SLC44A5: variants seen among roughly 807,000 people sequenced by gnomAD.
SLC44A5 encodes solute carrier family 44 member 5, also known as choline transporter-like protein 5.
SLC44A5 carries 57 observed loss-of-function variants against 101.8 expected under a neutral mutation model. The ratio of observed to expected loss-of-function variants is 0.56; its 90% CI spans 0.45 to 0.70. The LOEUF is 0.70. SLC44A5 is among the 30% of genes least tolerant of loss of function. The pLI, the probability that SLC44A5 is intolerant of heterozygous loss-of-function variation, is 0.00. For missense variants in SLC44A5, 737 were observed against 853.1 expected, an observed-to-expected ratio of 0.86 and a Z score of 1.70; for synonymous variants, 281 against 290.9, an observed-to-expected ratio of 0.97 and a Z score of 0.35.
At chr1:75,401,676 T>C (rs1662485325) in intron 2 of SLC44A5, among the ~76,000 whole-genome samples, 1 of 152,034 alleles carries the variant, frequency 6.6e-6, no homozygotes, top group Admixed American at 6.6e-5. Flanking sequence ...CACATTTGAC[T>C]GTCATATAGA....
intron 2 of SLC44A5, among the ~76,000 whole-genome samples, chr1:75,452,754 G>C (rs1116879): frequency 0.1 from 15,664 of 151,984 alleles, 976 homozygotes; most frequent in Admixed American, 0.19. Context: ...ACTTACATCC[G>C]ATAAAACAGA....
At chr1:75,406,037 C>T (rs1005657333) in intron 2 of SLC44A5, among the ~76,000 whole-genome samples, 1 of 152,042 alleles carries the variant, frequency 6.6e-6, no homozygotes, top group Non-Finnish European at 1.5e-5. Context: ...GATATCACCA[C>T]CGATTCCACA....
upstream of SLC44A5, among the ~76,000 whole-genome samples, chr1:75,614,036 G>C (rs371758706): frequency 6.6e-6 from 1 of 152,130 alleles, no homozygotes; most frequent in African/African-American, 2.4e-5. Flanking sequence ...CAATCTGCAA[G>C]GTTTGGGGTG....
At chr1:75,617,262 T>A in the SLC44A5 span, among the ~76,000 whole-genome samples, 7 of 152,110 alleles carry the variant, frequency 4.6e-5, no homozygotes, top group Non-Finnish European at 2.9e-5. Context: ...TTCCTCCTCC[T>A]AGGTTAGTAC....
chr1:75,442,899 G>A (rs1005905366), intron 2 of SLC44A5, among the ~76,000 whole-genome samples: 4 of 152,096 alleles, frequency 2.6e-5, no homozygotes, highest in African/African-American at 9.7e-5. Flanking sequence ...AACAGAAAAG[G>A]ATAATTTTAA....
At position 75,491,578 on chromosome 1, in the gene SLC44A5, CA is replaced by C. The variant is rs908755334; in HGVS notation, c.13+49856del. Among the ~76,000 whole-genome samples the C allele has an allele frequency of 3.6e-4, 55 of 152,128 alleles. 1 individual carries two copies. Among genetic ancestry groups the C allele is most frequent in the African/African-American group, 1.3e-3 (55 of 41,492 alleles). ...TTGGATAAAAATAAATGAATGAGTGCACTTTTGATTTTCTAAGGAGCTTCCT... is the reference window on the plus strand; with the variant it reads ...TTGGATAAAAATAAATGAATGAGTGCCTTTTGATTTTCTAAGGAGCTTCCT... On this transcript the variant is annotated intron_variant, in intron 2 of 23. Coordinates refer to ENST00000370859, the MANE Select transcript of SLC44A5 (RefSeq NM_001130058.2).
At chr1:75,346,422 G>A (rs998908199) in intron 3 of SLC44A5, among the ~76,000 whole-genome samples, 5 of 152,040 alleles carry the variant, frequency 3.3e-5, no homozygotes, top group African/African-American at 1.2e-4. Flanking sequence ...ACTAAAAGAA[G>A]CACCTCAAAA....
At chr1:75,477,089 G>A (rs754396045) in intron 2 of SLC44A5, among the ~76,000 whole-genome samples, 4 of 152,280 alleles carry the variant, frequency 2.6e-5, no homozygotes, top group Admixed American at 6.5e-5. Context: ...CAGCGTTCGC[G>A]GTTCATGAAA....
chr1:75,675,368 T>C, the SLC44A5 span, among the ~76,000 whole-genome samples: 1 of 152,274 alleles, frequency 6.6e-6, no homozygotes, highest in South Asian at 2.1e-4. Context: ...ATTCTCTTTG[T>C]AGCAATTGTG....
intron 2 of SLC44A5, among the ~76,000 whole-genome samples, chr1:75,533,343 G>T (rs1301711947): frequency 6.6e-6 from 1 of 152,040 alleles, no homozygotes; most frequent in Non-Finnish European, 1.5e-5. Context: ...AGGCCCCAAC[G>T]GAAACAATAG....
At chr1:75,505,934 T>C (rs1669228509) in intron 2 of SLC44A5, among the ~76,000 whole-genome samples, 1 of 152,204 alleles carries the variant, frequency 6.6e-6, no homozygotes, top group Non-Finnish European at 1.5e-5. Context: ...CCAAGACTAG[T>C]GTCCAAAATG....
chr1:75,538,600 A>T (rs1671182316), intron 2 of SLC44A5, among the ~76,000 whole-genome samples: 1 of 152,242 alleles, frequency 6.6e-6, no homozygotes, highest in Admixed American at 6.5e-5. Context: ...CATACTATAA[A>T]GGCTTCTTTT....
chr1:75,659,478 A>C, the SLC44A5 span, among the ~76,000 whole-genome samples: 1 of 74,426 alleles, frequency 1.3e-5, no homozygotes, highest in South Asian at 4.0e-4. Flanking sequence ...GGAAGGAAGG[A>C]AGGAAGGAAG....
intron 2 of SLC44A5, among the ~76,000 whole-genome samples, chr1:75,448,592 T>C (rs767584391): frequency 7.9e-5 from 12 of 152,276 alleles, no homozygotes; most frequent in African/African-American, 2.4e-4. Context: ...CTGAGGTAAA[T>C]CTATTTGCCT....
At position 75,218,675 on chromosome 1, in the gene SLC44A5, C is replaced by G. The variant is rs1647013679; in HGVS notation, c.1344G>C (p.Leu448Phe). 1.9e-6 allele frequency: 3 copies of G among 1,613,554 alleles called. No homozygotes were observed. Among genetic ancestry groups the G allele is most frequent in the Non-Finnish European group, 2.5e-6 (3 of 1,179,596 alleles). ...GGAAGGTAGGGATGTACTGATGGTA[C>G]AAGCTCTTTCCACCATAGAAAGCAA... ...CNFAFYGGKS[L>F]YHQYIPTFHV... The change falls in exon 17 of 24, where the codon TTG becomes TTC. Residue 448 changes from leucine to phenylalanine, a missense_variant. Transcript: ENST00000370859.
intron 2 of SLC44A5, among the ~76,000 whole-genome samples, chr1:75,429,718 G>C (rs1664505362): frequency 6.6e-6 from 1 of 152,136 alleles, no homozygotes; most frequent in African/African-American, 2.4e-5. Flanking sequence ...GAGAGTGAGA[G>C]ATCAAGCAAG....
chr1:75,541,210 G>T (rs1371637831), intron 2 of SLC44A5, among the ~76,000 whole-genome samples: 5 of 152,120 alleles, frequency 3.3e-5, no homozygotes, highest in African/African-American at 1.2e-4. Context: ...CACTGCTATA[G>T]GGAGTCCAGG....
the SLC44A5 span, among the ~76,000 whole-genome samples, chr1:75,653,284 C>T: frequency 2.0e-5 from 3 of 152,102 alleles, no homozygotes; most frequent in African/African-American, 7.2e-5. Context: ...GAGTGTGAGA[C>T]CAGCCTGGCC....
intron 2 of SLC44A5, among the ~76,000 whole-genome samples, chr1:75,403,005 T>A (rs1557748364): frequency 6.6e-6 from 1 of 152,056 alleles, no homozygotes; most frequent in African/African-American, 2.4e-5. Context: ...TTGAGGTTGA[T>A]GGGGGGAGGG....
Sources: allele counts gnomAD v4.1 joint callset (sites outside exome capture counted in the v4.1 genomes callset), GRCh38; gene constraint gnomAD v4.1.1; transcripts MANE v1.5; gene names NCBI Gene and HGNC (gene_info 2026-07-23, HGNC 2026-07-21).